Variants in GCNT2 observed in about 807,000 individuals in gnomAD.
GCNT2 encodes the protein glucosaminyl (N-acetyl) transferase 2 (I blood group).
GCNT2 carries 34 observed loss-of-function variants against 34.2 expected under a neutral mutation model. The ratio of observed to expected loss-of-function variants is 1.00; its 90% CI spans 0.76 to 1.32. The LOEUF (loss-of-function observed/expected upper bound fraction) is 1.32. Among genes scored for constraint, GCNT2 ranks in the 40% most tolerant of loss-of-function variants. GCNT2 has a pLI of 0.00. For missense variants in GCNT2, 584 were observed against 489.4 expected (o/e 1.19, Z -1.82); for synonymous variants, 212 against 188.0 (o/e 1.13, Z -1.04).
intron 3 of GCNT2, among the ~76,000 whole-genome samples, chr6:10,552,660 T>C (rs1025090880): frequency 4.6e-5 from 7 of 152,240 alleles, no homozygotes; most frequent in Admixed American, 3.3e-4. Flanking sequence ...CAGGGACTTA[T>C]GCATTTGTGG....
chr6:10,546,657 T>G (rs1026234532), intron 3 of GCNT2, among the ~76,000 whole-genome samples: 4 of 152,140 alleles, frequency 2.6e-5, no homozygotes, highest in African/African-American at 9.7e-5. Flanking sequence ...AGACTCCGTT[T>G]AAAAGAAAAG....
chr6:10,552,673 T>C (rs1412605822), intron 3 of GCNT2, among the ~76,000 whole-genome samples: 1 of 152,186 alleles, frequency 6.6e-6, no homozygotes, highest in Non-Finnish European at 1.5e-5. Flanking sequence ...ATTTGTGGAC[T>C]TTGTATCCTC....
chr6:10,616,277 G>C (rs184998700), intron 3 of GCNT2, among the ~76,000 whole-genome samples: 2 of 152,296 alleles, frequency 1.3e-5, no homozygotes, highest in East Asian at 3.9e-4. Flanking sequence ...GCAGACCTTC[G>C]TGGTGAGTGT....
intron 4 of GCNT2, among the ~76,000 whole-genome samples, chr6:10,622,432 C>T (rs1766073492): frequency 6.6e-6 from 1 of 151,820 alleles, no homozygotes; most frequent in Admixed American, 6.6e-5. Flanking sequence ...CATGGTCTTC[C>T]CTCTGTGCGT....
chr6:10,548,163 T>C (rs1762344948), intron 3 of GCNT2, among the ~76,000 whole-genome samples: 1 of 152,216 alleles, frequency 6.6e-6, no homozygotes, highest in Admixed American at 6.5e-5. Context: ...AGTTTGAGGC[T>C]GCAGTTAGCT....
chr6:10,571,655 A>G (rs1002117112), intron 3 of GCNT2, among the ~76,000 whole-genome samples: 1 of 152,162 alleles, frequency 6.6e-6, no homozygotes, highest in Non-Finnish European at 1.5e-5. Flanking sequence ...ACCAAGCCCT[A>G]TAGTAGAAAT....
intron 4 of GCNT2, among the ~76,000 whole-genome samples, chr6:10,621,979 A>G (rs1039243284): frequency 6.6e-6 from 1 of 152,042 alleles, no homozygotes; most frequent in African/African-American, 2.4e-5. Context: ...AAGTGATGTC[A>G]TGTTGGCACC....
intron 3 of GCNT2, among the ~76,000 whole-genome samples, chr6:10,579,840 AAAAAAAAAC>A (rs1156270612): frequency 6.9e-6 from 1 of 145,540 alleles, no homozygotes; most frequent in Non-Finnish European, 1.5e-5. Flanking sequence ...AAAAAAAAAA[AAAAAAAAAC>A]AAGTAATAAA....
At chr6:10,615,879 A>C (rs984178981) in intron 3 of GCNT2, among the ~76,000 whole-genome samples, 5 of 152,158 alleles carry the variant, frequency 3.3e-5, no homozygotes, top group Admixed American at 1.3e-4. Flanking sequence ...TCTCATCGCC[A>C]CTTTGGTTTT....
intron 3 of GCNT2, among the ~76,000 whole-genome samples, chr6:10,571,352 AT>A (rs1182021217): frequency 1.5e-4 from 23 of 152,034 alleles, no homozygotes; most frequent in African/African-American, 5.5e-4. Context: ...AATTATTATT[AT>A]TATTATTTTT....
intron 3 of GCNT2, among the ~76,000 whole-genome samples, chr6:10,553,834 C>T (rs1762582547): frequency 6.6e-6 from 1 of 152,214 alleles, no homozygotes; most frequent in Admixed American, 6.5e-5. Context: ...GTCAAGGCCG[C>T]AGTGAGACAT....
At chr6:10,539,206 T>TTTTTTG (rs1491477004) in intron 3 of GCNT2, among the ~76,000 whole-genome samples, 5 of 136,100 alleles carry the variant, frequency 3.7e-5, no homozygotes, top group African/African-American at 1.4e-4. Flanking sequence ...TTTTTTTTTT[T>TTTTTTG]GAGGCAGAGT....
intron 3 of GCNT2, among the ~76,000 whole-genome samples, chr6:10,600,196 G>A (rs559077655): frequency 1.3e-5 from 2 of 152,226 alleles, no homozygotes; most frequent in South Asian, 2.1e-4. Flanking sequence ...GAATATTTTG[G>A]TGTCTATACT....
intron 3 of GCNT2, among the ~76,000 whole-genome samples, chr6:10,578,725 C>T (rs548639155): frequency 2.0e-5 from 3 of 152,002 alleles, no homozygotes; most frequent in Non-Finnish European, 4.4e-5. Context: ...GGATTACAGG[C>T]GTGAGCCACT....
chr6:10,619,214 C>T (rs993218375), intron 3 of GCNT2: 2 of 151,990 alleles, frequency 1.3e-5, no homozygotes, highest in African/African-American at 4.8e-5. Context: ...GGAATGATCC[C>T]TCTCTTGTCA....
At chr6:10,579,826 C>CAAAAAAAAAAAAAAAAAA (rs61490868) in intron 3 of GCNT2, among the ~76,000 whole-genome samples, 14 of 89,842 alleles carry the variant, frequency 1.6e-4, no homozygotes, top group East Asian at 3.2e-4. Context: ...AAAAAACAAA[C>CAAAAAAAAAAAAAAAAAA]AAAAAAAAAA....
chr6:10,552,554 T>A (rs1489081086), intron 3 of GCNT2, among the ~76,000 whole-genome samples: 2 of 152,150 alleles, frequency 1.3e-5, no homozygotes, highest in Non-Finnish European at 2.9e-5. Flanking sequence ...TACATAGCAT[T>A]TACATTGTAT....
intron 3 of GCNT2, among the ~76,000 whole-genome samples, chr6:10,560,905 CCTT>C (rs1762947964): frequency 6.6e-6 from 1 of 152,152 alleles, no homozygotes; most frequent in South Asian, 2.1e-4. Context: ...AAGTGGTTGT[CCTT>C]CTCTTCTGTG....
chr6:10,621,820 C>T (rs1419991231), intron 4 of GCNT2, among the ~76,000 whole-genome samples: 1 of 152,174 alleles, frequency 6.6e-6, no homozygotes, highest in Non-Finnish European at 1.5e-5. Flanking sequence ...GGCCTCACAC[C>T]TCAGCCTCCC....
Sources: gnomAD v4.1 joint callset for allele counts (sites outside exome capture counted in the v4.1 genomes callset) on GRCh38, gnomAD v4.1.1 for gene constraint, MANE v1.5 for transcripts, NCBI Gene and HGNC (gene_info 2026-07-23, HGNC 2026-07-21) for gene names.